SEMA3A: variants seen among roughly 807,000 people sequenced by gnomAD.
SEMA3A encodes the protein semaphorin-3A.
In SEMA3A, 29 loss-of-function variants were observed where a neutral mutation model predicts 97.9. The observed-to-expected ratio is 0.30, with a 90% CI of 0.22 to 0.40. The LOEUF is 0.40. SEMA3A is among the 10% of genes least tolerant of loss of function. The pLI, the probability that SEMA3A is intolerant of heterozygous loss-of-function variation, is 1.00. For missense variants in SEMA3A, 763 were observed against 951.3 expected (o/e 0.80, Z 2.60); for synonymous variants, 321 against 323.7 (o/e 0.99, Z 0.09).
chr7:84,151,516 G>A (rs1382736167), intron 1 of SEMA3A, among the ~76,000 whole-genome samples: 1 of 151,930 alleles, frequency 6.6e-6, no homozygotes, highest in East Asian at 1.9e-4. Context: ...TGAATGAAAT[G>A]AAGCGAGAAG....
rs1806206108 is a variant in SEMA3A at position 84,473,472 on chromosome 7, G to C, written c.-246+18988C>G. Among the ~76,000 whole-genome samples the C allele has an allele frequency of 2.0e-5, 3 of 151,260 alleles. No individual in the cohort carries two copies. In the South Asian group the frequency reaches 6.2e-4, roughly 31 times the overall value. ...TGCAGTGGCACATTCTCGGCTCATT[G>C]CAACTTCTGCCTCCCTGGTTTAAGA... is the stretch of plus-strand genomic sequence containing the variant. On this transcript the variant is annotated intron_variant, in intron 1 of 3. Transcript: ENST00000424555.
At chr7:84,282,105 T>C (rs1042164610) in intron 3 of SEMA3A, among the ~76,000 whole-genome samples, 1 of 152,152 alleles carries the variant, frequency 6.6e-6, no homozygotes, top group African/African-American at 2.4e-5. Context: ...AGATGATGTA[T>C]ATAGAAATTC....
intron 11 of SEMA3A, 94 bp from the exon 12 acceptor site, chr7:84,002,140 C>G: frequency 1.6e-6 from 1 of 640,374 alleles, no homozygotes; most frequent in Non-Finnish European, 2.6e-6. Context: ...AGACAAAGAA[C>G]CTTTGATATC....
At chr7:84,198,623 T>C (rs1335809995), upstream of SEMA3A, among the ~76,000 whole-genome samples, 1 of 152,252 alleles carries the variant, frequency 6.6e-6, no homozygotes, top group Non-Finnish European at 1.5e-5. Flanking sequence ...TAGTGTACTA[T>C]ATGTAACTGT....
At chr7:84,482,080 T>C (rs1481654794) in intron 1 of SEMA3A, among the ~76,000 whole-genome samples, 1 of 151,770 alleles carries the variant, frequency 6.6e-6, no homozygotes, top group Non-Finnish European at 1.5e-5. Flanking sequence ...TAAATGAAAT[T>C]ATATATATAG....
intron 1 of SEMA3A, among the ~76,000 whole-genome samples, chr7:84,375,636 A>G (rs1803079217): frequency 6.6e-6 from 1 of 152,174 alleles, no homozygotes; most frequent in Non-Finnish European, 1.5e-5. Flanking sequence ...GTAATAATCA[A>G]ATCAGGTTAA....
At chr7:84,263,825 T>C (rs1436343989) in intron 3 of SEMA3A, among the ~76,000 whole-genome samples, 1 of 152,182 alleles carries the variant, frequency 6.6e-6, no homozygotes, top group Non-Finnish European at 1.5e-5. Context: ...ATCATAGCTG[T>C]GACTCTTGGT....
chr7:84,383,575 T>C (rs982237349), intron 1 of SEMA3A, among the ~76,000 whole-genome samples: 5 of 152,204 alleles, frequency 3.3e-5, no homozygotes, highest in African/African-American at 9.6e-5. Context: ...AGCCCTTCAC[T>C]AACCTGAGAA....
intron 3 of SEMA3A, among the ~76,000 whole-genome samples, chr7:84,304,732 C>T (rs973722076): frequency 2.6e-5 from 4 of 152,052 alleles, no homozygotes; most frequent in African/African-American, 9.6e-5. Context: ...CACAAGCGAT[C>T]ATATCCCTAC....
chr7:84,333,962 A>G (rs1801968306), intron 2 of SEMA3A, among the ~76,000 whole-genome samples: 1 of 152,154 alleles, frequency 6.6e-6, no homozygotes, highest in Non-Finnish European at 1.5e-5. Context: ...TATTTAACAG[A>G]TTTTGTCATA....
chr7:84,333,733 T>C (rs1393511427), intron 2 of SEMA3A, among the ~76,000 whole-genome samples: 1 of 152,176 alleles, frequency 6.6e-6, no homozygotes, highest in Non-Finnish European at 1.5e-5. Flanking sequence ...TTCTCTTTTG[T>C]TTTCAGCTTG....
intron 13 of SEMA3A, among the ~76,000 whole-genome samples, chr7:83,984,608 CTTTT>C (rs371082897): frequency 1.2e-4 from 12 of 98,884 alleles, no homozygotes; most frequent in African/African-American, 1.5e-4. Context: ...GATTTTTCTG[CTTTT>C]TTTTTTTTTT....
rs561403934 is a variant in SEMA3A at position 83,959,097 on chromosome 7, TTGTG to T, written c.*2270_*2273del. ...AAGACATGCCTGTAGATTTGTTTGT[TTGTG>T]TAACTTTTAATTGAAGTCGAGACTT... On this transcript the variant is annotated 3_prime_UTR_variant, in exon 17 of 17. Transcript: ENST00000265362. 8.5e-5 allele frequency: 13 copies of T among 152,188 alleles called. No individual in the cohort carries two copies. The South Asian group carries it at 1.0e-3, about 12-fold the overall frequency. The allele number at this position is 152,188 out of a possible 1,614,324, so 9.4% of individuals were successfully genotyped here.
intron 6 of SEMA3A, among the ~76,000 whole-genome samples, chr7:84,023,881 G>A (rs547067737): frequency 3.3e-5 from 5 of 152,008 alleles, no homozygotes; most frequent in South Asian, 4.2e-4. Context: ...GTGTGGTGGC[G>A]GGTACCTGTA....
intron 5 of SEMA3A, among the ~76,000 whole-genome samples, chr7:84,050,037 C>T (rs1289983091): frequency 6.6e-6 from 1 of 151,630 alleles, no homozygotes; most frequent in African/African-American, 2.4e-5. Context: ...CTACAAAGGA[C>T]ATGAACTCAT....
At chr7:84,144,252 T>A (rs1012620235) in intron 1 of SEMA3A, among the ~76,000 whole-genome samples, 3 of 151,986 alleles carry the variant, frequency 2.0e-5, no homozygotes, top group African/African-American at 7.2e-5. Flanking sequence ...ACAAAAATCA[T>A]AGGCTGCAAA....
intron 1 of SEMA3A, among the ~76,000 whole-genome samples, chr7:84,145,832 T>C (rs1196949683): frequency 1.3e-5 from 2 of 152,170 alleles, no homozygotes; most frequent in Admixed American, 6.6e-5. Flanking sequence ...CTTTCAAAAA[T>C]GTAATGCTTT....
At chr7:84,358,554 T>G (rs190769233) in intron 2 of SEMA3A, among the ~76,000 whole-genome samples, 45 of 152,280 alleles carry the variant, frequency 3.0e-4, no homozygotes, top group African/African-American at 9.9e-4. Flanking sequence ...GCAGTATAGT[T>G]TGAAGTCAGG....
rs879287670 is a variant in SEMA3A at position 84,387,274 on chromosome 7, C to CAATA, written c.-245-15378_-245-15375dup. On this transcript the variant is annotated intron_variant, in intron 1 of 3. Coordinates refer to the SEMA3A transcript ENST00000424555. ...GAGAAGTCTACTTCTTTTACCACTG[C>CAATA]AATAAATAAATAAATAAATAAATAG... Among the ~76,000 whole-genome samples the CAATA allele has an allele frequency of 2.3e-3, 354 of 151,864 alleles. 3 individuals are homozygous for CAATA. Among genetic ancestry groups the CAATA allele is most frequent in the East Asian group, 0.011 (56 of 5,158 alleles).
Sources: allele counts gnomAD v4.1 joint callset (sites outside exome capture counted in the v4.1 genomes callset), GRCh38; gene constraint gnomAD v4.1.1; transcripts MANE v1.5; gene names NCBI Gene and HGNC (gene_info 2026-07-23, HGNC 2026-07-21).